The following HERC2 variants were observed in gnomAD, a reference collection of about 807,000 sequenced individuals.
The protein encoded by HERC2 is E3 ubiquitin-protein ligase HERC2.
HERC2 carries 102 observed loss-of-function variants against 537.7 expected under a neutral mutation model. The ratio of observed to expected loss-of-function variants is 0.19; its 90% CI spans 0.16 to 0.22. HERC2 has a LOEUF of 0.22. HERC2 is among the 10% of genes least tolerant of loss of function. HERC2 has a pLI of 1.00. For missense variants in HERC2, 4,236 were observed against 6,198.2 expected (o/e 0.68, Z 10.63); for synonymous variants, 2,224 against 2,466.2 (o/e 0.90, Z 2.91).
chr15:28,112,938 T>G, intron 92 of HERC2, 133 bp downstream of exon 92: 1 of 697,028 alleles, frequency 1.4e-6, no homozygotes. Flanking sequence ...AGAAGTTCGA[T>G]GTTTTCCATT....
At chr15:28,288,623 A>G (rs924644525) in intron 4 of HERC2, among the ~76,000 whole-genome samples, 3 of 151,448 alleles carry the variant, frequency 2.0e-5, no homozygotes, top group Non-Finnish European at 2.9e-5. Context: ...AGGCACGTGG[A>G]TCACCTAAGG....
chr15:28,161,769 A>G (rs559198540), intron 69 of HERC2, among the ~76,000 whole-genome samples: 50 of 152,352 alleles, frequency 3.3e-4, no homozygotes, highest in African/African-American at 1.2e-3. Context: ...CAAATATTAA[A>G]AGACATTTTA....
At chr15:28,284,197 A>T (rs2076095208) in intron 4 of HERC2, among the ~76,000 whole-genome samples, 1 of 152,164 alleles carries the variant, frequency 6.6e-6, no homozygotes, top group Admixed American at 6.5e-5. Context: ...AGAGATGCTC[A>T]ATCTGTATGT....
At position 28,270,692 on chromosome 15, in the gene HERC2, C is replaced by T; in HGVS notation, c.1257+3G>A. 1 of 1,613,180 alleles carries T rather than the reference C, an allele frequency of 6.2e-7. No homozygotes were observed. The highest frequency in any genetic ancestry group is 8.5e-7 in the Non-Finnish European group (1 of 1,179,410). On this transcript the variant is annotated splice_donor_region_variant and intron_variant, in intron 10 of 92. Transcript: ENST00000261609. ...ATGGAGAACACGGTTCTTGCACACACACCTTATGAGATGTCGGAGAGCTAC... is the reference window on the plus strand; with the variant it reads ...ATGGAGAACACGGTTCTTGCACACATACCTTATGAGATGTCGGAGAGCTAC...
In HERC2 at chr15:28,124,040, T is replaced by C. The variant is rs1295809205; in HGVS notation, c.13185A>G (p.Gly4395=). Residue 4395 remains glycine (G), a synonymous_variant, in exon 85 of 93, where the codon GGA becomes GGG. Coordinates refer to ENST00000261609, the MANE Select transcript of HERC2 (RefSeq NM_004667.6). ...DTLRGILISQ[G]KEAAFRKVVQ... is the part of the protein sequence containing the mutation. ...GCAAAGATTGCCACTTGAATACCTTTCCCTGGGATATCAGAATTCCTCGGA... is the reference window on the plus strand; with the variant it reads ...GCAAAGATTGCCACTTGAATACCTTCCCCTGGGATATCAGAATTCCTCGGA... The C allele has an allele frequency of 2.5e-6, 4 of 1,582,820 alleles. No homozygotes were observed. Among genetic ancestry groups the C allele is most frequent in the Admixed American group, 3.6e-5 (2 of 55,978 alleles).
intron 15 of HERC2, among the ~76,000 whole-genome samples, chr15:28,261,915 A>T (rs984875159): frequency 1.3e-4 from 20 of 152,328 alleles, no homozygotes; most frequent in African/African-American, 4.8e-4. Flanking sequence ...CACACAAAGA[A>T]TGTATGTAGT....
chr15:28,200,208 C>A (rs990409051), intron 48 of HERC2, among the ~76,000 whole-genome samples: 3 of 152,032 alleles, frequency 2.0e-5, no homozygotes, highest in Non-Finnish European at 2.9e-5. Context: ...ACCAGCCTGA[C>A]AAAAATGAAG....
chr15:28,222,771 G>A (rs1900661019), intron 35 of HERC2, among the ~76,000 whole-genome samples: 1 of 152,172 alleles, frequency 6.6e-6, no homozygotes, highest in Non-Finnish European at 1.5e-5. Context: ...GGTCTGTGCT[G>A]AAACCTGCTT....
chr15:28,242,899 C>A (rs1457549172), intron 23 of HERC2, among the ~76,000 whole-genome samples: 10 of 152,254 alleles, frequency 6.6e-5, no homozygotes, highest in Non-Finnish European at 1.5e-5. Context: ...AAGAAAACAT[C>A]CTTAAGATTC....
chr15:28,285,995 T>C (rs1430602523), intron 4 of HERC2, among the ~76,000 whole-genome samples: 1 of 151,976 alleles, frequency 6.6e-6, no homozygotes, highest in Admixed American at 6.6e-5. Flanking sequence ...ATCATTTGAA[T>C]AGCCCTACCA....
intron 4 of HERC2, among the ~76,000 whole-genome samples, chr15:28,283,025 G>C (rs1267230813): frequency 1.4e-5 from 1 of 70,994 alleles, no homozygotes; most frequent in Non-Finnish European, 2.3e-5. Context: ...AGAAAGAAAT[G>C]TCCCAGCAAA....
chr15:28,141,763 C>T lies in HERC2; in HGVS notation c.11784G>A (p.Glu3928=). ...TCCACTGCACAAGTTGTTCGTCTTGCTCTCTTTTAAAAATGTCATGGCTCT... is the reference window on the plus strand; with the variant it reads ...TCCACTGCACAAGTTGTTCGTCTTGTTCTCTTTTAAAAATGTCATGGCTCT... ...LHESHDIFKR[E]QDEQLVQWMN... The change falls in exon 77 of 93, where the codon GAG becomes GAA. Residue 3928 remains glutamate, a synonymous_variant. Transcript: ENST00000261609. The T allele has an allele frequency of 6.2e-7, 1 of 1,614,170 alleles. No homozygotes were observed. The highest frequency in any genetic ancestry group is 1.1e-5 in the South Asian group (1 of 91,074).
At chr15:28,150,155 G>A (rs1461561826) in intron 70 of HERC2, among the ~76,000 whole-genome samples, 2 of 151,182 alleles carry the variant, frequency 1.3e-5, no homozygotes, top group Admixed American at 6.6e-5. Flanking sequence ...CCGCACAAAT[G>A]CACATTCTAG....
intron 2 of HERC2, among the ~76,000 whole-genome samples, chr15:28,310,353 G>A (rs2076907734): frequency 6.6e-6 from 1 of 152,056 alleles, no homozygotes; most frequent in African/African-American, 2.4e-5. Context: ...GCTGAGGTGG[G>A]AGAACTGCTT....
chr15:28,113,434 C>A lies in HERC2; in HGVS notation c.14019+139G>T. 1 of 1,066,050 alleles carries A rather than the reference C, an allele frequency of 9.4e-7. No individual in the cohort carries two copies. The highest frequency in any genetic ancestry group is 1.4e-6 in the Non-Finnish European group (1 of 715,474). 66.0% of individuals were successfully genotyped at this position (1,066,050 alleles called of 1,614,324 possible). ...GGGCCCACACACAGCCTCCTGCAGGCGGGTGGAGGGACGCGCTCAGAGTGC... is the reference window on the plus strand; with the variant it reads ...GGGCCCACACACAGCCTCCTGCAGGAGGGTGGAGGGACGCGCTCAGAGTGC... On this transcript the variant is annotated intron_variant, in intron 91 of 92. Coordinates refer to ENST00000261609, the MANE Select transcript of HERC2 (RefSeq NM_004667.6). The surrounding 1 kb of genome is among the most constrained non-coding windows in gnomAD (Gnocchi z 7.0).
At chr15:28,169,363 C>T (rs1466125386) in intron 66 of HERC2, 121 bp downstream of exon 66, 1 of 666,648 alleles carries the variant, frequency 1.5e-6, no homozygotes, top group Non-Finnish European at 2.5e-6. Flanking sequence ...TTACAACATA[C>T]AGCATTTAAA....
intron 17 of HERC2, among the ~76,000 whole-genome samples, 186 bp downstream of exon 17, chr15:28,256,875 G>T (rs112893411): frequency 6.6e-6 from 1 of 152,208 alleles, no homozygotes; most frequent in Non-Finnish European, 1.5e-5. Context: ...GATTACAGGC[G>T]TGAGCCACCG....
chr15:28,188,036 C>T (rs938094940), intron 55 of HERC2, among the ~76,000 whole-genome samples: 1 of 152,130 alleles, frequency 6.6e-6, no homozygotes, highest in African/African-American at 2.4e-5. Context: ...ACAGCTTGAC[C>T]ACCACCATAG....
rs148456855 is a variant in HERC2, at chr15:28,169,522, T to C, written c.10191A>G (p.Leu3397=). The C allele has an allele frequency of 3.5e-4, 566 of 1,611,136 alleles. 2 individuals carry two copies. Among genetic ancestry groups the C allele is most frequent in the Non-Finnish European group, 3.3e-4 (394 of 1,178,014 alleles). ...TTTGCAATGCTGTAAGAATATGTGA[T>C]AAGGCCTGCTGTTTGGCCAGATTTC... ...LDGNLAKQQA[L]SHILTALQIM... is the part of the protein sequence containing the mutation. Residue 3397 remains leucine, a synonymous_variant, in exon 66 of 93, where the codon TTA becomes TTG. Transcript: ENST00000261609.
Sources: gnomAD v4.1 joint callset for allele counts (sites outside exome capture counted in the v4.1 genomes callset) on GRCh38, gnomAD v4.1.1 for gene constraint, Gnocchi (gnomAD v3.1) non-coding constraint, MANE v1.5 for transcripts, NCBI Gene and HGNC (gene_info 2026-07-23, HGNC 2026-07-21) for gene names.